The following GALNT3 variants were observed in gnomAD, a reference collection of about 807,000 sequenced individuals.
GALNT3 encodes polypeptide N-acetylgalactosaminyltransferase 3.
GALNT3 carries 51 observed loss-of-function variants against 69.8 expected under a neutral mutation model. That is an observed-to-expected ratio of 0.73 (90% confidence interval 0.58 to 0.92). GALNT3 has a LOEUF of 0.92. Ranked by LOEUF, GALNT3 falls within the 40% of genes least tolerant of loss-of-function variation. The pLI is 0.00. For synonymous variants in GALNT3, 265 were observed against 248.5 expected (o/e 1.07, Z -0.63); for missense variants, 711 against 760.0 (o/e 0.94, Z 0.76).
intron 3 of GALNT3, among the ~76,000 whole-genome samples, chr2:165,762,350 C>T (rs1688566933): frequency 6.6e-6 from 1 of 151,968 alleles, no homozygotes; most frequent in East Asian, 1.9e-4. Flanking sequence ...ATGGAGTCAA[C>T]CCTAGCCGTT....
At position 165,770,241 on chromosome 2, in the gene GALNT3, C is replaced by A. The variant is rs368590625; in HGVS notation, c.460G>T (p.Ala154Ser). 1 of 1,614,104 alleles carries A rather than the reference C, an allele frequency of 6.2e-7. No homozygotes were observed. Among genetic ancestry groups the A allele is most frequent in the South Asian group, 1.1e-5 (1 of 91,058 alleles). ...CGGTGCAAAGAAATCCTGTCACTTG[C>A]GAAAGCATTAAAGCAGTGTTTAGCT... ...GEAKHCFNAF[A>S]SDRISLHRDL... The change falls in exon 2 of 11, where the codon GCA (alanine) becomes TCA (serine). Residue 154 changes from alanine (A) to serine (S), a missense_variant. By Grantham distance (99) the Ala-to-Ser change is moderately conservative. Transcript: ENST00000392701.
rs545475688 is a variant in GALNT3 at position 165,750,134 on chromosome 2, T to C, written c.1627-240A>G. On this transcript the variant is annotated intron_variant, in intron 9 of 10. Coordinates refer to ENST00000392701, the MANE Select transcript of GALNT3 (RefSeq NM_004482.4). ...GCTGTCTTCCTCCCCATACCAGAAGTTGGAAGTTATCAAGGAGAGTGGAGG... is the reference window on the plus strand; with the variant it reads ...GCTGTCTTCCTCCCCATACCAGAAGCTGGAAGTTATCAAGGAGAGTGGAGG... 2.0e-5 allele frequency among the ~76,000 whole-genome samples: 3 copies of C among 152,210 alleles called. No homozygotes were observed. In the South Asian group the frequency reaches 6.2e-4, roughly 32 times the overall value.
intron 7 of GALNT3, 120 bp downstream of exon 7, chr2:165,756,927 A>C (rs1688452072): frequency 2.7e-6 from 2 of 747,536 alleles, no homozygotes; most frequent in Non-Finnish European, 4.6e-6. Flanking sequence ...CATGTACTTT[A>C]AGAGTTAAAA....
In GALNT3 at chr2:165,761,934, G is replaced by C; in HGVS notation, c.809C>G (p.Ala270Gly). 6.2e-7 allele frequency: 1 copy of C among 1,614,088 alleles called. No individual in the cohort carries two copies. Among genetic ancestry groups the C allele is most frequent in the Non-Finnish European group, 8.5e-7 (1 of 1,180,016 alleles). ...AGCATCTAAAAATGTGAGCGTTTCAGCTGTTGCGACTGTTGCTCCTAGCAA... is the reference window on the plus strand; with the variant it reads ...AGCATCTAAAAATGTGAGCGTTTCACCTGTTGCGACTGTTGCTCCTAGCAA... ...ARLLGATVAT[A>G]ETLTFLDAHC... The change falls in exon 4 of 11, where the codon GCT becomes GGT. Residue 270 changes from alanine (A) to glycine (G), a missense_variant. Transcript: ENST00000392701.
At chr2:165,768,340 C>T (rs1253145736) in intron 2 of GALNT3, among the ~76,000 whole-genome samples, 1 of 152,130 alleles carries the variant, frequency 6.6e-6, no homozygotes, top group African/African-American at 2.4e-5. Context: ...TTTGAGCTGT[C>T]ACTGATTGTC....
intron 1 of GALNT3, among the ~76,000 whole-genome samples, chr2:165,776,416 T>C (rs531986234): frequency 1.3e-5 from 2 of 152,282 alleles, no homozygotes; most frequent in Admixed American, 6.5e-5. Context: ...AAAGGGTTTG[T>C]TCTTCTTGTA....
rs190755154 is a variant in GALNT3, at chr2:165,751,277, A to G, written c.1627-1383T>C. On this transcript the variant is annotated intron_variant, in intron 9 of 10. Coordinates refer to ENST00000392701, the MANE Select transcript of GALNT3 (RefSeq NM_004482.4). ...TTAAACTCTTTATGTGTATTACAGT[A>G]GGCACTCTACAAACATTCGCTGAAT... Among the ~76,000 whole-genome samples the G allele has an allele frequency of 4.9e-3, 740 of 152,308 alleles. 7 individuals carry two copies. Among genetic ancestry groups the G allele is most frequent in the African/African-American group, 0.017 (692 of 41,572 alleles).
chr2:165,789,468 T>C (rs1240629795), intron 1 of GALNT3, among the ~76,000 whole-genome samples: 4 of 152,210 alleles, frequency 2.6e-5, no homozygotes, highest in South Asian at 2.1e-4. Context: ...ATTCAGACCA[T>C]AGCAGTTGTA....
At chr2:165,785,682 A>G (rs1683204759) in intron 1 of GALNT3, among the ~76,000 whole-genome samples, 1 of 152,216 alleles carries the variant, frequency 6.6e-6, no homozygotes, top group African/African-American at 2.4e-5. Context: ...GAGGGGGTGA[A>G]TAAAAAACAA....
rs764878326 is a variant in GALNT3, at chr2:165,749,864, G to A, written c.1657C>T (p.Arg553Trp). The A allele has an allele frequency of 9.9e-6, 16 of 1,613,522 alleles. No homozygotes were observed. The highest frequency in any genetic ancestry group is 1.4e-5 in the Non-Finnish European group (16 of 1,179,596). Residue 553 changes from arginine (R) to tryptophan (W), a missense_variant, in exon 10 of 11, where the codon CGG becomes TGG. Coordinates refer to ENST00000392701, the MANE Select transcript of GALNT3 (RefSeq NM_004482.4). ...CATAATTCCTTCTGGATGTTGTGCC[G>A]AATTTCATGTTGAGCAGAGTATTCA... ...YFEYSAQHEI[R>W]HNIQKELCLH...
intron 1 of GALNT3, among the ~76,000 whole-genome samples, chr2:165,785,527 T>C (rs1402447116): frequency 6.6e-6 from 1 of 152,166 alleles, no homozygotes; most frequent in Non-Finnish European, 1.5e-5. Context: ...CTGCAACTAC[T>C]AACACATTTT....
Position 165,759,207 on chromosome 2 carries a change from C to T in GALNT3, c.1073+129G>A, listed in dbSNP as rs1688499161. On this transcript the variant is annotated intron_variant, in intron 5 of 10. Coordinates refer to ENST00000392701, the MANE Select transcript of GALNT3 (RefSeq NM_004482.4). The stretch of plus-strand genomic sequence containing the variant: ...TACACAAATGAATGACTTTTAGATT[C>T]TCTTTATATAGAATATGTGTGTTCT... 48 of 785,936 alleles carry T rather than the reference C, an allele frequency of 6.1e-5. No individual in the cohort carries two copies. In the South Asian group the frequency reaches 7.5e-4, roughly 12 times the overall value. The allele number at this position is 785,936 out of a possible 1,614,324, so 48.7% of individuals were successfully genotyped here.
At chr2:165,771,832 A>T (rs1688758577) in intron 1 of GALNT3, 1 of 152,208 alleles carries the variant, frequency 6.6e-6, no homozygotes. Context: ...GTTCTCCCTA[A>T]ATTTAAAATA....
chr2:165,754,362 T>C (rs1009541403), intron 9 of GALNT3, among the ~76,000 whole-genome samples: 3 of 146,532 alleles, frequency 2.0e-5, no homozygotes, highest in Non-Finnish European at 4.5e-5. Flanking sequence ...AGTGCTGGGA[T>C]TACAGGCGTG....
chr2:165,787,268 G>C (rs1431982144), intron 1 of GALNT3, among the ~76,000 whole-genome samples: 1 of 152,200 alleles, frequency 6.6e-6, no homozygotes, highest in African/African-American at 2.4e-5. Context: ...GAGCCTTCCA[G>C]GCCAGGAAGC....
intron 1 of GALNT3, among the ~76,000 whole-genome samples, chr2:165,783,223 GTACTTCTTAA>G (rs1255729340): frequency 6.6e-6 from 1 of 152,104 alleles, no homozygotes; most frequent in African/African-American, 2.4e-5. Context: ...CTTCACTAAT[GTACTTCTTAA>G]TACTTTAGTG....
chr2:165,785,545 T>C (rs1683202749), intron 1 of GALNT3, among the ~76,000 whole-genome samples: 1 of 152,068 alleles, frequency 6.6e-6, no homozygotes, highest in South Asian at 2.1e-4. Flanking sequence ...TTTTAAGAAT[T>C]AAATAAAACA....
At chr2:165,775,151 T>C (rs1010701172) in intron 1 of GALNT3, among the ~76,000 whole-genome samples, 6 of 152,136 alleles carry the variant, frequency 3.9e-5, no homozygotes, top group Admixed American at 6.5e-5. Flanking sequence ...TTTCTAACTC[T>C]GTTCAAACTC....
At chr2:165,748,936 C>A in intron 10 of GALNT3, 33 bp from the exon 11 acceptor site, 1 of 1,591,282 alleles carries the variant, frequency 6.3e-7, no homozygotes. Context: ...ACATTAAATT[C>A]CAAGACTCAT....
Sources: gnomAD v4.1 joint callset for allele counts (sites outside exome capture counted in the v4.1 genomes callset) on GRCh38, gnomAD v4.1.1 for gene constraint, MANE v1.5 for transcripts, NCBI Gene and HGNC (gene_info 2026-07-23, HGNC 2026-07-21) for gene names.